The following ITSN1 variants were observed in gnomAD, a reference collection of about 807,000 sequenced individuals.
ITSN1 encodes intersectin 1.
In ITSN1, 58 loss-of-function variants were observed where a neutral mutation model predicts 239.8. The ratio of observed to expected loss-of-function variants is 0.24; its 90% CI spans 0.20 to 0.30. The LOEUF (loss-of-function observed/expected upper bound fraction) is 0.30. Ranked by LOEUF, ITSN1 falls within the 10% of genes least tolerant of loss-of-function variation. ITSN1 has a pLI of 1.00. For synonymous variants in ITSN1, 780 were observed against 770.8 expected, an observed-to-expected ratio of 1.01 and a Z score of -0.20; for missense variants, 1,558 against 2,103.3, an observed-to-expected ratio of 0.74 and a Z score of 5.07.
At chr21:33,678,182 G>A (rs968764450) in intron 1 of ITSN1, among the ~76,000 whole-genome samples, 7 of 151,932 alleles carry the variant, frequency 4.6e-5, no homozygotes, top group Admixed American at 2.0e-4. Flanking sequence ...CTTTTCTTTC[G>A]TTGGGTCTTT....
chr21:33,735,305 G>A (rs749139513), intron 5 of ITSN1, 101 bp downstream of exon 5: 6 of 1,256,878 alleles, frequency 4.8e-6, no homozygotes, highest in Non-Finnish European at 6.9e-6. Flanking sequence ...TGAAATTCTA[G>A]GAGGTAATTC....
At chr21:33,721,885 T>C (rs1601835313) in intron 3 of ITSN1, 2 of 151,998 alleles carry the variant, frequency 1.3e-5, no homozygotes, top group East Asian at 3.9e-4. Context: ...ATTGTTCTGC[T>C]ACCATGCCCA....
At chr21:33,821,360 G>A (rs1311223737) in intron 24 of ITSN1, among the ~76,000 whole-genome samples, 1 of 152,148 alleles carries the variant, frequency 6.6e-6, no homozygotes, top group African/African-American at 2.4e-5. Context: ...AGGGGTGGGA[G>A]GACATTAGAA....
intron 29 of ITSN1, among the ~76,000 whole-genome samples, chr21:33,855,190 A>G (rs1374274753): frequency 2.0e-5 from 3 of 152,248 alleles, no homozygotes; most frequent in Non-Finnish European, 4.4e-5. Flanking sequence ...CTGCTAGGCC[A>G]GAGCAGGCTT....
At chr21:33,701,377 G>A (rs187586621) in intron 1 of ITSN1, among the ~76,000 whole-genome samples, 2 of 152,046 alleles carry the variant, frequency 1.3e-5, no homozygotes, top group African/African-American at 4.8e-5. Context: ...TCCCTGCTTC[G>A]GCCTCCAAAA....
chr21:33,693,741 C>T (rs1477874145), intron 1 of ITSN1, among the ~76,000 whole-genome samples: 1 of 152,222 alleles, frequency 6.6e-6, no homozygotes, highest in African/African-American at 2.4e-5. Context: ...CACTGCTATT[C>T]TGCAGTGATT....
intron 4 of ITSN1, among the ~76,000 whole-genome samples, chr21:33,730,108 T>G: frequency 6.6e-6 from 1 of 152,118 alleles, no homozygotes; most frequent in Admixed American, 6.6e-5. Context: ...AATTTAGATA[T>G]GCCTCCTCAT....
Position 33,828,192 on chromosome 21 carries a change from C to T in ITSN1, c.3229+1329C>T, listed in dbSNP as rs550221922. ...GAATGTTGGGGCAGATTGCTGGCTGCGTATGCCAGGTCCCTTGAGGAGCAA... is the reference window on the plus strand; with the variant it reads ...GAATGTTGGGGCAGATTGCTGGCTGTGTATGCCAGGTCCCTTGAGGAGCAA... On this transcript the variant is annotated intron_variant, in intron 26 of 39. Coordinates refer to ENST00000381318, the MANE Select transcript of ITSN1 (RefSeq NM_003024.3). Among the ~76,000 whole-genome samples the T allele has an allele frequency of 4.6e-5, 7 of 152,338 alleles. No homozygotes were observed. The South Asian group carries it at 6.2e-4, about 14-fold the overall frequency.
At chr21:33,838,733 C>T (rs975362772) in intron 29 of ITSN1, among the ~76,000 whole-genome samples, 2 of 150,876 alleles carry the variant, frequency 1.3e-5, no homozygotes, top group Non-Finnish European at 1.5e-5. Context: ...ATACCAGTTT[C>T]GAAACATAGA....
intron 39 of ITSN1, 60 bp from the exon 40 acceptor site, chr21:33,888,092 C>T (rs1986066145): frequency 1.3e-6 from 2 of 1,566,602 alleles, no homozygotes; most frequent in Admixed American, 3.5e-5. Context: ...ATATGCCAGA[C>T]ATGTGCCTCG....
chr21:33,663,454 C>T (rs1011778118), intron 1 of ITSN1, among the ~76,000 whole-genome samples: 1 of 152,264 alleles, frequency 6.6e-6, no homozygotes, highest in African/African-American at 2.4e-5. Context: ...AATCCAGATG[C>T]TCTTCGTAAT....
intron 29 of ITSN1, among the ~76,000 whole-genome samples, chr21:33,851,778 C>CTTTTTTTTTTTTTTTTTTTT: frequency 3.0e-5 from 2 of 66,206 alleles, no homozygotes; most frequent in Non-Finnish European, 5.2e-5. Context: ...CTTTTCTTTC[C>CTTTTTTTTTTTTTTTTTTTT]TTTTTTTTTT....
chr21:33,693,612 C>T (rs952985043), intron 1 of ITSN1, among the ~76,000 whole-genome samples: 13 of 152,210 alleles, frequency 8.5e-5, no homozygotes, highest in African/African-American at 2.4e-4. Flanking sequence ...CCTCCTCGAC[C>T]TCCCACAGTG....
At chr21:33,651,852 T>C (rs890492204) in intron 1 of ITSN1, among the ~76,000 whole-genome samples, 16 of 152,248 alleles carry the variant, frequency 1.1e-4, no homozygotes, top group Admixed American at 1.0e-3. Flanking sequence ...AACCTTACTT[T>C]AATTCTTAGT....
chr21:33,800,033 C>T (rs1406638885), intron 19 of ITSN1, 104 bp downstream of exon 19: 3 of 1,130,600 alleles, frequency 2.7e-6, no homozygotes, highest in Non-Finnish European at 3.6e-6. Context: ...GAGTATGAAA[C>T]CCAATAATCC....
intron 5 of ITSN1, among the ~76,000 whole-genome samples, chr21:33,746,523 A>G (rs1316566073): frequency 1.3e-5 from 2 of 152,234 alleles, no homozygotes; most frequent in African/African-American, 4.8e-5. Flanking sequence ...GAAATTCTAG[A>G]AAAGTATGAC....
intron 1 of ITSN1, among the ~76,000 whole-genome samples, chr21:33,654,913 T>G (rs549689449): frequency 6.6e-6 from 1 of 152,226 alleles, no homozygotes; most frequent in African/African-American, 2.4e-5. Context: ...TTCTTAAGGT[T>G]ACCTCCTTCC....
In ITSN1 at chr21:33,721,241, G is replaced by T. The variant is rs772037712; in HGVS notation, c.92G>T (p.Ser31Ile). The T allele has an allele frequency of 6.2e-7, 1 of 1,612,356 alleles. No individual in the cohort carries two copies. Among genetic ancestry groups the T allele is most frequent in the South Asian group, 1.1e-5 (1 of 91,046 alleles). Residue 31 changes from serine (S) to isoleucine (I), a missense_variant, in exon 3 of 40, where the codon AGT becomes ATT. Transcript: ENST00000381318. Reference sequence around the variant, plus strand: ...GCGAAGCATGATCAGCAGTTCCATAGTTTAAAGCCAATATCTGGATTCATT... The same window carrying T: ...GCGAAGCATGATCAGCAGTTCCATATTTTAAAGCCAATATCTGGATTCATT... ...ERAKHDQQFH[S>I]LKPISGFITG...
chr21:33,739,512 G>A (rs1019065877), intron 5 of ITSN1, among the ~76,000 whole-genome samples: 5 of 152,112 alleles, frequency 3.3e-5, no homozygotes, highest in African/African-American at 1.2e-4. Flanking sequence ...CAAATTGTGG[G>A]GAGCAAGGAA....
Sources: allele counts gnomAD v4.1 joint callset (sites outside exome capture counted in the v4.1 genomes callset), GRCh38; gene constraint gnomAD v4.1.1; transcripts MANE v1.5; gene names NCBI Gene and HGNC (gene_info 2026-07-23, HGNC 2026-07-21).